The following TCP1 variants were observed in gnomAD, a reference collection of about 807,000 sequenced individuals.
TCP1 encodes the protein T-complex protein 1 subunit alpha.
A neutral mutation model predicts 54.7 loss-of-function variants in TCP1; 6 were observed. The ratio of observed to expected loss-of-function variants is 0.11; its 90% confidence interval spans 0.06 to 0.22. The LOEUF is 0.22. TCP1 is among the 10% of genes least tolerant of loss of function. The probability of loss-of-function intolerance (pLI) is 1.00; values close to 1 mark genes in which losing one functional copy is unlikely to be tolerated. For synonymous variants in TCP1, 225 were observed against 229.7 expected (o/e 0.98, Z 0.19); for missense variants, 511 against 678.2 (o/e 0.75, Z 2.74).
At position 159,780,510 on chromosome 6, in the gene TCP1, T is replaced by C. The variant is rs773297964; in HGVS notation, c.1030A>G (p.Met344Val). 9.3e-6 allele frequency: 15 copies of C among 1,614,122 alleles called. No individual in the cohort carries two copies. Among genetic ancestry groups the C allele is most frequent in the Non-Finnish European group, 1.2e-5 (14 of 1,179,982 alleles). Residue 344 changes from methionine (M) to valine (V), a missense_variant, in exon 9 of 12, where the codon ATG (methionine) becomes GTG (valine). Met to Val is a conservative substitution (Grantham distance 21, BLOSUM62 1). This residue lies in a region of TCP1 where 305 missense variants were observed against 352.8 expected (regional missense o/e 0.86). Transcript: ENST00000321394. ...LEGEETFEAA[M>V]LGQAEEVVQE... ...ACCACTTCTTCTGCCTGTCCCAACA[T>C]TGCAGCTTCAAAAGTTTCTTCACCT... is the stretch of plus-strand genomic sequence containing the variant.
chr6:159,779,812 G>A, intron 10 of TCP1, 22 bp from the exon 11 acceptor site: 1 of 1,585,858 alleles, frequency 6.3e-7, no homozygotes, highest in Non-Finnish European at 8.5e-7. Context: ...AGAAAATTAG[G>A]TGACTTCACA....
chr6:159,782,099 G>T, intron 7 of TCP1, among the ~76,000 whole-genome samples: 1 of 152,338 alleles, frequency 6.6e-6, no homozygotes, highest in African/African-American at 2.4e-5. Context: ...GATGGGAAAT[G>T]AGAGTTTAGT....
rs751780541 is a variant in TCP1 at position 159,779,229 on chromosome 6, C to T, written c.1487G>A (p.Arg496Gln). 3.4e-5 allele frequency: 55 copies of T among 1,613,750 alleles called. No homozygotes were observed. Among genetic ancestry groups the T allele is most frequent in the Non-Finnish European group, 4.3e-5 (51 of 1,179,838 alleles). ...IGLDLSNGKP[R>Q]DNKQAGVFEP... ...AAACACCCCTGCTTGTTTGTTGTCT[C>T]GAGGTTTACCATTGCTCAAATCAAG... Residue 496 changes from arginine to glutamine, a missense_variant, in exon 12 of 12, where the codon CGA (arginine) becomes CAA (glutamine). Physicochemically the swap from Arg to Gln is conservative, Grantham distance 43. Transcript: ENST00000321394.
intron 3 of TCP1, among the ~76,000 whole-genome samples, chr6:159,787,078 T>TAAAAAAAA (rs76955548): frequency 0.021 from 2,861 of 133,490 alleles, 82 homozygotes; most frequent in South Asian, 0.05. Context: ...CCCTGTCTCT[T>TAAAAAAAA]AAAAAAAAAA....
chr6:159,782,738 G>C (rs1165639671), intron 7 of TCP1, among the ~76,000 whole-genome samples: 1 of 152,074 alleles, frequency 6.6e-6, no homozygotes, highest in African/African-American at 2.4e-5. Context: ...GGAGCTTAGA[G>C]AAACAGCTGA....
rs1311650006 is a variant in TCP1 at position 159,785,953 on chromosome 6, G to C, written c.324C>G (p.Val108=). 6 of 1,613,934 alleles carry C rather than the reference G, an allele frequency of 3.7e-6. No individual in the cohort carries two copies. The highest frequency in any genetic ancestry group is 5.1e-6 in the Non-Finnish European group (6 of 1,179,970). The change falls in exon 4 of 12, where the codon GTC becomes GTG. Residue 108 remains valine, a synonymous_variant. Transcript: ENST00000321394. ...AELLKNADEL[V]KQKIHPTSVI... ...CTGATGTGGGATGAATTTTCTGTTT[G>C]ACTAATTCATCTGCATTTTTTAGGA...
At chr6:159,781,771 TCAAAAA>T (rs1780583535) in intron 7 of TCP1, among the ~76,000 whole-genome samples, 4 of 152,114 alleles carry the variant, frequency 2.6e-5, no homozygotes, top group South Asian at 2.1e-4. Flanking sequence ...AAACTCCGTC[TCAAAAA>T]CAAACAAACA....
At chr6:159,785,128 G>C in intron 5 of TCP1, 1 of 599,504 alleles carries the variant, frequency 1.7e-6, no homozygotes, top group Non-Finnish European at 2.9e-6. Context: ...GCATAAAATT[G>C]GTTATTCAAA....
rs1780734279 is a variant in TCP1 at position 159,787,830 on chromosome 6, T to C, written c.192A>G (p.Leu64=). 6.2e-7 allele frequency: 1 copy of C among 1,614,204 alleles called. No individual in the cohort carries two copies. Among genetic ancestry groups the C allele is most frequent in the African/African-American group, 1.3e-5 (1 of 75,068 alleles). Residue 64 remains leucine, a synonymous_variant, in exon 3 of 12, where the codon TTA becomes TTG. Coordinates refer to ENST00000321394, the MANE Select transcript of TCP1 (RefSeq NM_030752.3). ...ITNDGATILK[L]LEVEHPAAKV... is the part of the protein sequence containing the mutation. ...TAGCTGCAGGATGTTCTACCTCCAG[T>C]AACTTCAGGATGGTTGCACCATCGT...
At chr6:159,789,110 C>A (rs1278199771) in intron 1 of TCP1, 2 of 444,590 alleles carry the variant, frequency 4.5e-6, no homozygotes, top group Non-Finnish European at 4.0e-6. Context: ...ACGTGCGAGC[C>A]CGGGAGGCCC....
In TCP1 at chr6:159,788,058, A is replaced by G; in HGVS notation, c.150T>C (p.Gly50=). 1 of 1,614,090 alleles carries G rather than the reference A, an allele frequency of 6.2e-7. No individual in the cohort carries two copies. The highest frequency in any genetic ancestry group is 8.5e-7 in the Non-Finnish European group (1 of 1,179,970). Residue 50 remains glycine, a splice_region_variant and synonymous_variant, in exon 2 of 12, where the codon GGT becomes GGC. Transcript: ENST00000321394. ...TAACACAACAGTTATGTGTACTTAC[A>G]CCAATATCATCCACCAACATTTTAT... ...GLDKMLVDDI[G]DVTITNDGAT...
intron 4 of TCP1, 188 bp from the exon 5 acceptor site, chr6:159,785,684 T>C (rs3818298): frequency 0.21 from 162,566 of 791,580 alleles, 17,942 homozygotes; most frequent in East Asian, 0.38. Context: ...CCCATAAGCA[T>C]AGCCACTAAA....
chr6:159,783,604 A>G (rs1169974591), intron 7 of TCP1, among the ~76,000 whole-genome samples: 4 of 151,830 alleles, frequency 2.6e-5, no homozygotes, highest in African/African-American at 9.7e-5. Flanking sequence ...TGGTCACACT[A>G]CCTCCACCAT....
In TCP1 at chr6:159,778,775, A is replaced by G; in HGVS notation, c.*270T>C. Reference sequence around the variant, plus strand: ...GAATGGGCAGAAGTCGTGGTGTTGCAGCCCTGTGCATTGGGGGTGGGATGG... The same window carrying G: ...GAATGGGCAGAAGTCGTGGTGTTGCGGCCCTGTGCATTGGGGGTGGGATGG... On this transcript the variant is annotated 3_prime_UTR_variant, in exon 12 of 12. Coordinates refer to ENST00000321394, the MANE Select transcript of TCP1 (RefSeq NM_030752.3). 3 of 1,614,230 alleles carry G rather than the reference A, an allele frequency of 1.9e-6. No homozygotes were observed. Among genetic ancestry groups the G allele is most frequent in the Non-Finnish European group, 2.5e-6 (3 of 1,180,042 alleles).
At position 159,780,925 on chromosome 6, in the gene TCP1, C is replaced by T. The variant is rs1245303044; in HGVS notation, c.973+10G>A. Reference sequence around the variant, plus strand: ...AAAGTATTTTATGTGACAGCCAGCACAAGACATACCTCCAGAAGCTTTGGC... The same window carrying T: ...AAAGTATTTTATGTGACAGCCAGCATAAGACATACCTCCAGAAGCTTTGGC... On this transcript the variant is annotated intron_variant, in intron 8 of 11. Coordinates refer to ENST00000321394, the MANE Select transcript of TCP1 (RefSeq NM_030752.3). The T allele has an allele frequency of 1.3e-6, 2 of 1,590,438 alleles. No individual in the cohort carries two copies. The highest frequency in any genetic ancestry group is 8.5e-7 in the Non-Finnish European group (1 of 1,172,912).
At chr6:159,783,885 T>C (rs1367717028) in intron 7 of TCP1, 56 bp downstream of exon 7, 1 of 1,518,542 alleles carries the variant, frequency 6.6e-7, no homozygotes, top group Non-Finnish European at 8.8e-7. Context: ...GCTAAAAATG[T>C]TAAAGTCCTC....
chr6:159,784,427 C>A (rs1583141331), intron 6 of TCP1, among the ~76,000 whole-genome samples: 1 of 151,986 alleles, frequency 6.6e-6, no homozygotes, highest in Non-Finnish European at 1.5e-5. Flanking sequence ...TCCTCAGCCT[C>A]CCAAGTAGCT....
chr6:159,778,667 TGAA>T lies in TCP1; in HGVS notation c.*375_*377del, dbSNP rs1562481030. The stretch of plus-strand genomic sequence containing the variant: ...CTTTTCTCCCCCGTTAGGTCAATAT[TGAA>T]GGAGGGGCTATAGCCTTGGGCCACC... On this transcript the variant is annotated 3_prime_UTR_variant, in exon 12 of 12. Transcript: ENST00000321394. 6 of 1,614,054 alleles carry T rather than the reference TGAA, an allele frequency of 3.7e-6. No individual in the cohort carries two copies. The highest frequency in any genetic ancestry group is 5.1e-6 in the Non-Finnish European group (6 of 1,179,972).
chr6:159,788,244 G>GT (rs1780745822), intron 1 of TCP1, 101 bp from the exon 2 acceptor site: 10 of 1,063,256 alleles, frequency 9.4e-6, no homozygotes, highest in South Asian at 2.7e-5. Flanking sequence ...AACAGCCCCC[G>GT]TATTTCCCAA....
Sources: gnomAD v4.1 joint callset for allele counts (sites outside exome capture counted in the v4.1 genomes callset) on GRCh38, gnomAD v4.1.1 for gene constraint, gnomAD v4.1.1 regional missense constraint, MANE v1.5 for transcripts, NCBI Gene and HGNC (gene_info 2026-07-23, HGNC 2026-07-21) for gene names.